PRAMEF4: variants seen among roughly 807,000 people sequenced by gnomAD.
PRAMEF4 encodes RP5-845O24.6.
A neutral mutation model predicts 34.4 loss-of-function variants in PRAMEF4; 18 were observed. That is an observed-to-expected ratio of 0.52 (90% CI 0.36 to 0.78). PRAMEF4 has a LOEUF of 0.78. PRAMEF4 is among the 30% of genes least tolerant of loss of function. The probability of loss-of-function intolerance (pLI) is 0.00; values close to 1 mark genes in which losing one functional copy is unlikely to be tolerated. For synonymous variants in PRAMEF4, 156 were observed against 219.3 expected (o/e 0.71, Z 2.55); for missense variants, 482 against 569.1 (o/e 0.85, Z 1.56).
chr1:12,884,420 A>T (rs11122034), intron 1 of PRAMEF4, among the ~76,000 whole-genome samples: 20 of 149,596 alleles, frequency 1.3e-4, no homozygotes, highest in African/African-American at 4.7e-4. Context: ...ACATGTTCAA[A>T]CTGAACCACT....
chr1:12,881,131 C>T, intron 3 of PRAMEF4, among the ~76,000 whole-genome samples: 1 of 148,072 alleles, frequency 6.8e-6, no homozygotes, highest in Non-Finnish European at 1.5e-5. Flanking sequence ...TTTGGGAGTC[C>T]ATGGTGGGTG....
Position 12,881,953 on chromosome 1 carries a change from A to G in PRAMEF4, c.776T>C (p.Val259Ala). 3 of 1,591,322 alleles carry G rather than the reference A, an allele frequency of 1.9e-6. No individual in the cohort carries two copies. The highest frequency in any genetic ancestry group is 2.6e-6 in the Non-Finnish European group (3 of 1,176,028). Residue 259 changes from valine (V) to alanine (A), a missense_variant, in exon 3 of 4, where the codon GTT (valine) becomes GCT (alanine). Coordinates refer to ENST00000235349, the MANE Select transcript of PRAMEF4 (RefSeq NM_001009611.4). ...GAGGAACTGAGTGGTGAACTGGGTA[A>G]CAATCTCCTTCTTCTGCTCTGGGGA... is the stretch of plus-strand genomic sequence containing the variant. The part of the protein sequence containing the change: ...YVSPEQKKEI[V>A]TQFTTQFLKL...
intron 3 of PRAMEF4, among the ~76,000 whole-genome samples, chr1:12,881,431 A>G (rs550440088): frequency 1.0e-4 from 15 of 148,696 alleles, no homozygotes; most frequent in Middle Eastern, 3.4e-3. Context: ...GGGTCTTGGT[A>G]TGTTAGCCAG....
At chr1:12,883,431 A>G (rs1161410689) in intron 1 of PRAMEF4, 21 bp from the exon 2 acceptor site, 1 of 1,600,962 alleles carries the variant, frequency 6.2e-7, no homozygotes, top group Non-Finnish European at 8.5e-7. Context: ...ACAAACCCAG[A>G]GAAAAGGCAT....
intron 3 of PRAMEF4, 26 bp from the exon 4 acceptor site, chr1:12,880,131 T>C: frequency 1.3e-6 from 2 of 1,538,398 alleles, no homozygotes; most frequent in South Asian, 1.1e-5. Context: ...AAGAAGTTAA[T>C]TCTGGGGAAT....
chr1:12,882,966 G>A, intron 2 of PRAMEF4, 136 bp downstream of exon 2: 2 of 1,269,428 alleles, frequency 1.6e-6, no homozygotes, highest in South Asian at 2.7e-5. Flanking sequence ...TTTCCCTGAG[G>A]AGCTGGTGAA....
At chr1:12,885,441 C>T (rs571245688) in intron 1 of PRAMEF4, among the ~76,000 whole-genome samples, 1 of 149,800 alleles carries the variant, frequency 6.7e-6, no homozygotes, top group South Asian at 2.1e-4. Context: ...CTCACTGCAG[C>T]CTCAATCTTC....
chr1:12,884,283 C>G lies in PRAMEF4; in HGVS notation c.-16-873G>C, dbSNP rs1396697831. Among the ~76,000 whole-genome samples, 38 of 149,120 alleles carry G rather than the reference C, an allele frequency of 2.5e-4. 1 individual carries two copies. The highest frequency in any genetic ancestry group is 6.4e-4 in the South Asian group (3 of 4,682). On this transcript the variant is annotated intron_variant, in intron 1 of 3. Transcript: ENST00000235349. The stretch of plus-strand genomic sequence containing the variant: ...CTACCCCTCTTGGCCTCCCAACATA[C>G]TGGGATTATAGGTGTGAGCCTCCAC...
chr1:12,882,400 A>G lies in PRAMEF4; in HGVS notation c.329T>C (p.Val110Ala), dbSNP rs547434397. Residue 110 changes from valine (V) to alanine (A), a missense_variant, in exon 3 of 4, where the codon GTC becomes GCC. Val to Ala is a moderately conservative substitution (Grantham distance 64). This residue lies in a region of PRAMEF4 where 72 missense variants were observed against 128.9 expected (regional missense o/e 0.56). Transcript: ENST00000235349. ...WKLQVLDLQDVCENFWMVWSE... is the reference protein window; with the variant it reads ...WKLQVLDLQDACENFWMVWSE... Reference sequence around the variant, plus strand: ...CCAAACCATCCAGAAGTTCTCACAGACATCCTGTAAATCCAGCACTTGAAG... The same window carrying G: ...CCAAACCATCCAGAAGTTCTCACAGGCATCCTGTAAATCCAGCACTTGAAG... 1.1e-4 allele frequency: 168 copies of G among 1,588,572 alleles called. 6 individuals carry two copies. The East Asian group carries it at 3.5e-3, about 33-fold the overall frequency.
chr1:12,885,749 C>A (rs1476253878), intron 1 of PRAMEF4, among the ~76,000 whole-genome samples: 1 of 147,150 alleles, frequency 6.8e-6, no homozygotes, highest in South Asian at 2.2e-4. Context: ...CATGCCACTG[C>A]ACTCCAGTCT....
At position 12,883,276 on chromosome 1, in the gene PRAMEF4, G is replaced by A. The variant is rs759073350; in HGVS notation, c.119C>T (p.Pro40Leu). 11 of 1,599,150 alleles carry A rather than the reference G, an allele frequency of 6.9e-6. No homozygotes were observed. The highest frequency in any genetic ancestry group is 9.4e-6 in the Non-Finnish European group (11 of 1,173,024). Residue 40 changes from proline (P) to leucine (L), a missense_variant, in exon 2 of 4, where the codon CCA (proline) becomes CTA (leucine). Transcript: ENST00000235349. ...LEELPTELFP[P>L]LFMEAFSRRR... ...CCTGCTGAAGGCCTCCATGAACAGT[G>A]GGGGGAAAAGTTCTGTGGGCAGCTC...
intron 3 of PRAMEF4, among the ~76,000 whole-genome samples, chr1:12,880,531 A>G (rs1640867774): frequency 6.7e-6 from 1 of 149,856 alleles, no homozygotes; most frequent in African/African-American, 2.5e-5. Context: ...AGCAGAGATC[A>G]TGCCACTACA....
At position 12,879,856 on chromosome 1, in the gene PRAMEF4, G is replaced by C. The variant is rs758543151; in HGVS notation, c.1125C>G (p.Ala375=). The C allele has an allele frequency of 4.4e-6, 7 of 1,599,580 alleles. No individual in the cohort carries two copies. In the South Asian group the frequency reaches 6.6e-5, roughly 15 times the overall value. ...IDSQVNAILP[A]LSRCFELNTF... ...TGTTGAGCTCAAAGCAGCGGCTCAG[G>C]GCAGGCAAGATGGCGTTGACTTGGG... The change falls in exon 4 of 4, where the codon GCC becomes GCG. Residue 375 remains alanine, a synonymous_variant. Transcript: ENST00000235349.
Position 12,882,088 on chromosome 1 carries a change from A to G in PRAMEF4, c.641T>C (p.Val214Ala), listed in dbSNP as rs1267440078. 2 of 1,586,290 alleles carry G rather than the reference A, an allele frequency of 1.3e-6. No individual in the cohort carries two copies. Among genetic ancestry groups the G allele is most frequent in the Non-Finnish European group, 1.7e-6 (2 of 1,172,004 alleles). The change falls in exon 3 of 4, where the codon GTG becomes GCG. Residue 214 changes from valine to alanine, a missense_variant. This residue lies in a region of PRAMEF4 where 72 missense variants were observed against 128.9 expected (regional missense o/e 0.56). Transcript: ENST00000235349. ...GATGGGCAGTACCCACTTGCAATTC[A>G]CTTCCACCTCCTGGATACAGTCTAG... ...VNLDCIQEVEVNCKWVLPILT... is the reference protein window; with the variant it reads ...VNLDCIQEVEANCKWVLPILT...
rs1326312192 is a variant in PRAMEF4, at chr1:12,879,719, C to A, written c.1262G>T (p.Ser421Ile). Residue 421 changes from serine to isoleucine, a missense_variant, in exon 4 of 4, where the codon AGT (serine) becomes ATT (isoleucine). Coordinates refer to ENST00000235349, the MANE Select transcript of PRAMEF4 (RefSeq NM_001009611.4). ...CVELYPAPRE[S>I]YGADGTLCWS... ...GCAGAGAGTACCATCAGCACCATAA[C>A]TCTCCCGGGGGGCAGGATACAGCTC... 1 of 1,600,552 alleles carries A rather than the reference C, an allele frequency of 6.2e-7. No individual in the cohort carries two copies. The highest frequency in any genetic ancestry group is 8.5e-7 in the Non-Finnish European group (1 of 1,173,892).
At chr1:12,883,560 G>A in intron 1 of PRAMEF4, 150 bp from the exon 2 acceptor site, 1 of 1,135,366 alleles carries the variant, frequency 8.8e-7, no homozygotes, top group Non-Finnish European at 1.2e-6. Context: ...TGGCCATTAA[G>A]CCAGCATTCT....
chr1:12,884,386 A>G (rs1205344923), intron 1 of PRAMEF4, among the ~76,000 whole-genome samples: 3 of 149,562 alleles, frequency 2.0e-5, no homozygotes, highest in East Asian at 3.9e-4. Flanking sequence ...CTCAAGATAG[A>G]TGTTTCCAAT....
chr1:12,886,099 C>G (rs532733820), intron 1 of PRAMEF4, 48 bp downstream of exon 1: 1 of 135,416 alleles, frequency 7.4e-6, no homozygotes, highest in Admixed American at 7.8e-5. Flanking sequence ...CCCAGACCGA[C>G]TGACTGTAGG....
rs140311405 is a variant in PRAMEF4, at chr1:12,882,992, G to A, written c.293+110C>T. The A allele has an allele frequency of 1.9e-4, 287 of 1,490,142 alleles. 16 individuals carry two copies. In the African/African-American group the frequency reaches 2.2e-3, roughly 11 times the overall value. The allele number at this position is 1,490,142 out of a possible 1,614,324, so 92.3% of individuals were successfully genotyped here. A position where few individuals can be genotyped will look rare whatever the true frequency, so the allele number is the denominator to read the frequency against. On this transcript the variant is annotated intron_variant, in intron 2 of 3. Transcript: ENST00000235349. The stretch of plus-strand genomic sequence containing the variant: ...AGCTGGTGAATGGCCAAGTCCTCTC[G>A]GCTTCCTCACCACCACCATCCCCCT...
Sources: gnomAD v4.1 joint callset for allele counts (sites outside exome capture counted in the v4.1 genomes callset) on GRCh38, gnomAD v4.1.1 for gene constraint, gnomAD v4.1.1 regional missense constraint, MANE v1.5 for transcripts, NCBI Gene and HGNC (gene_info 2026-07-23, HGNC 2026-07-21) for gene names.